Variants in UBE2V2 observed in about 807,000 individuals in gnomAD.
UBE2V2 encodes the protein ubiquitin conjugating enzyme E2 V2, also known as ubiquitin-conjugating enzyme E2 variant 2.
Under a neutral mutation model 17.2 loss-of-function variants are expected in UBE2V2, and 9 were observed. The ratio of observed to expected loss-of-function variants is 0.52; its 90% confidence interval spans 0.32 to 0.91. The LOEUF is 0.91. UBE2V2 is among the 40% of genes least tolerant of loss of function. The pLI, the probability that UBE2V2 is intolerant of heterozygous loss-of-function variation, is 0.04. For missense variants in UBE2V2, 133 were observed against 182.6 expected, an observed-to-expected ratio of 0.73 and a Z score of 1.56; for synonymous variants, 61 against 57.5, an observed-to-expected ratio of 1.06 and a Z score of -0.28.
the UBE2V2 span, among the ~76,000 whole-genome samples, chr8:48,002,015 G>C: frequency 2.0e-5 from 3 of 152,104 alleles, 1 homozygote; most frequent in South Asian, 6.2e-4. Flanking sequence ...CTTGAACCCA[G>C]GAGGTGGAGG....
intron 1 of UBE2V2, among the ~76,000 whole-genome samples, chr8:48,035,782 T>C (rs979993572): frequency 7.8e-5 from 11 of 141,400 alleles, no homozygotes; most frequent in Admixed American, 5.9e-4. Context: ...CCAGAGCTAC[T>C]CAGGAGGCTG....
intron 2 of UBE2V2, among the ~76,000 whole-genome samples, chr8:48,049,220 ATAAC>A (rs1343084015): frequency 1.3e-5 from 2 of 152,176 alleles, no homozygotes; most frequent in South Asian, 2.1e-4. Context: ...CAACGTAAGT[ATAAC>A]TAACAGGGGA....
At chr8:48,039,325 A>G (rs1454417612) in intron 1 of UBE2V2, among the ~76,000 whole-genome samples, 1 of 152,114 alleles carries the variant, frequency 6.6e-6, no homozygotes, top group African/African-American at 2.4e-5. Flanking sequence ...TCAGCAGTGA[A>G]TGAACTTCCA....
the UBE2V2 span, among the ~76,000 whole-genome samples, chr8:48,000,192 A>G: frequency 6.6e-6 from 1 of 152,226 alleles, no homozygotes; most frequent in African/African-American, 2.4e-5. Flanking sequence ...GAATTTCTAT[A>G]CGTCTCTGGA....
chr8:48,029,556 G>C (rs993163175), intron 1 of UBE2V2, among the ~76,000 whole-genome samples: 1 of 152,134 alleles, frequency 6.6e-6, no homozygotes, highest in Non-Finnish European at 1.5e-5. Context: ...ACTGTAAACA[G>C]TTTTATTCTT....
At chr8:48,000,926 C>G in the UBE2V2 span, among the ~76,000 whole-genome samples, 1 of 151,012 alleles carries the variant, frequency 6.6e-6, no homozygotes, top group Non-Finnish European at 1.5e-5. Context: ...AGCAGAAGGA[C>G]CAGGTGTTTC....
intron 1 of UBE2V2, among the ~76,000 whole-genome samples, chr8:48,020,509 G>C (rs1334831979): frequency 6.6e-6 from 1 of 152,118 alleles, no homozygotes; most frequent in East Asian, 1.9e-4. Flanking sequence ...AGTAATTATT[G>C]ATAGATGAGT....
intron 1 of UBE2V2, among the ~76,000 whole-genome samples, chr8:48,037,785 TTGTCTC>T (rs2091434599): frequency 6.6e-6 from 1 of 152,214 alleles, no homozygotes; most frequent in Non-Finnish European, 1.5e-5. Context: ...AACCACAACT[TTGTCTC>T]AGTTAACTGA....
At chr8:48,012,055 T>C (rs2091235733) in intron 1 of UBE2V2, among the ~76,000 whole-genome samples, 1 of 152,208 alleles carries the variant, frequency 6.6e-6, no homozygotes, top group Non-Finnish European at 1.5e-5. Flanking sequence ...ACATAGGTGG[T>C]TACTAGTACA....
chr8:47,999,474 A>C, the UBE2V2 span, among the ~76,000 whole-genome samples: 2 of 151,640 alleles, frequency 1.3e-5, no homozygotes, highest in Admixed American at 6.6e-5. Context: ...CTCCTGCCTC[A>C]GCCTCCCGAG....
chr8:48,052,155 TA>T (rs370033534), intron 3 of UBE2V2, among the ~76,000 whole-genome samples: 19 of 152,368 alleles, frequency 1.2e-4, no homozygotes, highest in African/African-American at 4.3e-4. Flanking sequence ...TATGCACACT[TA>T]TCTATTTTTA....
At position 48,061,669 on chromosome 8, in the gene UBE2V2, A is replaced by G. The variant is rs1209446340; in HGVS notation, c.*841A>G. ...TAGCTTTTCATGTATACACACTTTT[A>G]TTTACCCTATTTTGTGTACTTCTTG... On this transcript the variant is annotated 3_prime_UTR_variant, in exon 4 of 4. Coordinates refer to ENST00000523111, the MANE Select transcript of UBE2V2 (RefSeq NM_003350.3). 1 of 152,534 alleles carries G rather than the reference A, an allele frequency of 6.6e-6. No homozygotes were observed. Among genetic ancestry groups the G allele is most frequent in the Non-Finnish European group, 1.5e-5 (1 of 68,018 alleles). 9.4% of individuals were successfully genotyped at this position (152,534 alleles called of 1,614,324 possible). A position where few individuals can be genotyped will look rare whatever the true frequency, so the allele number is the denominator to read the frequency against.
At chr8:48,008,429 GC>G (rs775753599), upstream of UBE2V2, 1 of 1,562,700 alleles carries the variant, frequency 6.4e-7, no homozygotes, top group South Asian at 1.2e-5. Flanking sequence ...GTGCGTGCGG[GC>G]GGCTGCGTCG....
chr8:48,035,645 G>T (rs1301416713), intron 1 of UBE2V2, among the ~76,000 whole-genome samples: 6 of 132,348 alleles, frequency 4.5e-5, no homozygotes, highest in African/African-American at 1.2e-4. Context: ...GTGTGTGTGT[G>T]TGTGTGTGTG....
At chr8:48,050,018 G>T in intron 3 of UBE2V2, 40 bp downstream of exon 3, 1 of 1,346,378 alleles carries the variant, frequency 7.4e-7, no homozygotes, top group Admixed American at 2.5e-5. Flanking sequence ...ATAACATAAT[G>T]TATAGAGTTA....
intron 1 of UBE2V2, among the ~76,000 whole-genome samples, chr8:48,012,152 A>G (rs2091237018): frequency 1.3e-5 from 2 of 152,152 alleles, no homozygotes; most frequent in Admixed American, 1.3e-4. Flanking sequence ...TTCTCAGAAC[A>G]TGAATCTTAA....
intron 1 of UBE2V2, among the ~76,000 whole-genome samples, chr8:48,036,895 G>A (rs1313758272): frequency 6.6e-6 from 1 of 151,956 alleles, no homozygotes; most frequent in African/African-American, 2.4e-5. Flanking sequence ...ATATATATGA[G>A]CTGGCCAGGC....
At chr8:48,036,917 C>T (rs1208005782) in intron 1 of UBE2V2, among the ~76,000 whole-genome samples, 3 of 152,006 alleles carry the variant, frequency 2.0e-5, no homozygotes, top group Admixed American at 6.6e-5. Flanking sequence ...CGGTGGCTCA[C>T]GCCTGTAATG....
chr8:48,017,500 A>C (rs375879154), intron 1 of UBE2V2, among the ~76,000 whole-genome samples: 3 of 151,778 alleles, frequency 2.0e-5, no homozygotes, highest in African/African-American at 7.3e-5. Context: ...CAGCCTCCTA[A>C]GTAGCTGGGA....
Sources: gnomAD v4.1 joint callset for allele counts (sites outside exome capture counted in the v4.1 genomes callset) on GRCh38, gnomAD v4.1.1 for gene constraint, MANE v1.5 for transcripts, NCBI Gene and HGNC (gene_info 2026-07-23, HGNC 2026-07-21) for gene names.